The following GPHN variants were observed in gnomAD, a reference collection of about 807,000 sequenced individuals.
GPHN encodes gephyrin.
Under a neutral mutation model 95.5 loss-of-function variants are expected in GPHN, and 17 were observed. That is an observed-to-expected ratio of 0.18 (90% CI 0.12 to 0.27). The LOEUF (loss-of-function observed/expected upper bound fraction) is 0.27. GPHN is among the 10% of genes least tolerant of loss of function. GPHN has a pLI of 1.00. For missense variants in GPHN, 660 were observed against 978.1 expected, an observed-to-expected ratio of 0.67 and a Z score of 4.34; for synonymous variants, 320 against 322.5, an observed-to-expected ratio of 0.99 and a Z score of 0.08.
At chr14:67,204,180 T>C in the GPHN span, among the ~76,000 whole-genome samples, 4 of 152,104 alleles carry the variant, frequency 2.6e-5, no homozygotes, top group Non-Finnish European at 5.9e-5. Flanking sequence ...CTCACACCTG[T>C]AATCCCAGTA....
At chr14:67,177,147 C>G (rs542159340) in intron 21 of GPHN, among the ~76,000 whole-genome samples, 10 of 152,184 alleles carry the variant, frequency 6.6e-5, no homozygotes, top group Admixed American at 2.6e-4. Context: ...TCTTACTCCT[C>G]TAGTTCTTTA....
At position 66,785,236 on chromosome 14, in the gene GPHN, C is replaced by T. The variant is rs115389658; in HGVS notation, c.201+8715C>T. ...ACAGGAATATCCAGGCATGGTGGCA[C>T]ATGCCTGTAGTCCCCACGACTCAGG... On this transcript the variant is annotated intron_variant, in intron 3 of 22. Transcript: ENST00000478722. Among the ~76,000 whole-genome samples, 1,005 of 152,202 alleles carry T rather than the reference C, an allele frequency of 6.6e-3. 13 individuals carry two copies. Among genetic ancestry groups the T allele is most frequent in the African/African-American group, 0.023 (957 of 41,530 alleles).
At chr14:66,625,966 G>A (rs2063511834) in intron 1 of GPHN, among the ~76,000 whole-genome samples, 2 of 152,138 alleles carry the variant, frequency 1.3e-5, no homozygotes, top group African/African-American at 4.8e-5. Context: ...ACTCATAAAT[G>A]TCACTATCAT....
intron 2 of GPHN, among the ~76,000 whole-genome samples, chr14:66,768,674 A>T (rs1356180382): frequency 1.3e-5 from 2 of 152,028 alleles, no homozygotes; most frequent in Non-Finnish European, 2.9e-5. Context: ...ATTAAACAAT[A>T]ATAGTTGGGG....
the GPHN span, among the ~76,000 whole-genome samples, chr14:67,700,115 GGA>G: frequency 6.6e-6 from 1 of 151,804 alleles, no homozygotes; most frequent in Admixed American, 6.6e-5. Context: ...ACTGCAGCCT[GGA>G]GACAGAGCGA....
chr14:67,193,583 A>ATG, the GPHN span, among the ~76,000 whole-genome samples: 5 of 145,290 alleles, frequency 3.4e-5, no homozygotes, highest in Admixed American at 1.4e-4. Flanking sequence ...ATCTATATAT[A>ATG]GATATAGATA....
intron 1 of GPHN, among the ~76,000 whole-genome samples, chr14:66,584,751 G>T (rs143843195): frequency 0.039 from 5,898 of 152,214 alleles, 173 homozygotes; most frequent in Middle Eastern, 0.065. Context: ...CTTGATCATG[G>T]TGGATAAGCT....
At chr14:66,574,689 T>C (rs1022637518) in intron 1 of GPHN, among the ~76,000 whole-genome samples, 38 of 152,202 alleles carry the variant, frequency 2.5e-4, no homozygotes, top group African/African-American at 9.2e-4. Context: ...GATTTGTTTG[T>C]GTGTCTGAGT....
At chr14:66,562,831 C>G (rs2060319020) in intron 1 of GPHN, among the ~76,000 whole-genome samples, 1 of 151,934 alleles carries the variant, frequency 6.6e-6, no homozygotes, top group Non-Finnish European at 1.5e-5. Context: ...CCTGCCCTTT[C>G]TAGTAGAGAG....
At chr14:66,717,643 G>A (rs139926226) in intron 2 of GPHN, among the ~76,000 whole-genome samples, 1 of 152,328 alleles carries the variant, frequency 6.6e-6, no homozygotes, top group East Asian at 1.9e-4. Flanking sequence ...GGCTCTGACA[G>A]AGGGAAGATC....
chr14:67,250,469 T>C, the GPHN span, among the ~76,000 whole-genome samples: 4 of 152,350 alleles, frequency 2.6e-5, no homozygotes, highest in African/African-American at 9.6e-5. Flanking sequence ...CATTGAAAAC[T>C]GTATAAACTC....
At chr14:67,295,112 T>TGTGTGCGC in the GPHN span, 1 of 151,442 alleles carries the variant, frequency 6.6e-6, no homozygotes, top group African/African-American at 2.4e-5. Flanking sequence ...GAAGTGTGTG[T>TGTGTGCGC]GTGTGTGTGT....
At chr14:67,654,756 G>A in the GPHN span, among the ~76,000 whole-genome samples, 3 of 152,004 alleles carry the variant, frequency 2.0e-5, no homozygotes, top group South Asian at 2.1e-4. Flanking sequence ...TTGCCCGGGC[G>A]CAGTGGCTCA....
At chr14:66,741,741 C>T (rs1487344933) in intron 2 of GPHN, among the ~76,000 whole-genome samples, 1 of 152,174 alleles carries the variant, frequency 6.6e-6, no homozygotes, top group Non-Finnish European at 1.5e-5. Flanking sequence ...TCCTTTGTAG[C>T]TACTGTCACC....
chr14:66,637,119 C>T (rs925608595), intron 1 of GPHN, among the ~76,000 whole-genome samples: 1 of 152,016 alleles, frequency 6.6e-6, no homozygotes, highest in Non-Finnish European at 1.5e-5. Context: ...ATAATCTTGT[C>T]ACTTTATTTA....
chr14:67,569,918 C>T, the GPHN span: 1 of 1,596,818 alleles, frequency 6.3e-7, no homozygotes, highest in Non-Finnish European at 8.6e-7. Flanking sequence ...CTTCCCTGCT[C>T]AGCTTCAAGC....
chr14:67,344,979 T>C, the GPHN span, among the ~76,000 whole-genome samples: 1 of 150,838 alleles, frequency 6.6e-6, no homozygotes, highest in Non-Finnish European at 1.5e-5. Flanking sequence ...TGGTGGCTCA[T>C]ACCTATAATC....
intron 9 of GPHN, among the ~76,000 whole-genome samples, chr14:66,976,125 GAC>G (rs1230365740): frequency 2.0e-5 from 3 of 152,166 alleles, no homozygotes; most frequent in African/African-American, 7.2e-5. Context: ...AAGTACTAGA[GAC>G]AGAGATTATT....
chr14:66,517,189 T>A (rs992696696), intron 1 of GPHN, among the ~76,000 whole-genome samples: 1 of 148,034 alleles, frequency 6.8e-6, no homozygotes, highest in Non-Finnish European at 1.5e-5. Flanking sequence ...TATTTTCAGA[T>A]GTAAAAAGAT....
Sources: allele counts gnomAD v4.1 joint callset (sites outside exome capture counted in the v4.1 genomes callset), GRCh38; gene constraint gnomAD v4.1.1; transcripts MANE v1.5; gene names NCBI Gene and HGNC (gene_info 2026-07-23, HGNC 2026-07-21).